AK5: variants seen among roughly 807,000 people sequenced by gnomAD.
AK5 encodes adenylate kinase 5.
Under a neutral mutation model 69.5 loss-of-function variants are expected in AK5, and 27 were observed. The ratio of observed to expected loss-of-function variants is 0.39; its 90% CI spans 0.29 to 0.54. The LOEUF is 0.54. AK5 is among the 20% of genes least tolerant of loss of function. The probability of loss-of-function intolerance (pLI) is 0.71; values close to 1 mark genes in which losing one functional copy is unlikely to be tolerated. For missense variants in AK5, 531 were observed against 700.4 expected, an observed-to-expected ratio of 0.76 and a Z score of 2.73; for synonymous variants, 260 against 244.4, an observed-to-expected ratio of 1.06 and a Z score of -0.60.
At chr1:77,310,843 A>G (rs61096452) in intron 5 of AK5, among the ~76,000 whole-genome samples, 16,926 of 152,016 alleles carry the variant, frequency 0.11, 1,056 homozygotes, top group Middle Eastern at 0.19. Context: ...ATCCATGAAC[A>G]TTGTCATGTC....
At chr1:77,350,853 G>C (rs556881023) in intron 6 of AK5, among the ~76,000 whole-genome samples, 17 of 152,334 alleles carry the variant, frequency 1.1e-4, no homozygotes, top group African/African-American at 3.6e-4. Context: ...GCATTATCAA[G>C]TGACATTAAA....
At chr1:77,477,151 C>T (rs914647845) in intron 8 of AK5, among the ~76,000 whole-genome samples, 5 of 152,050 alleles carry the variant, frequency 3.3e-5, no homozygotes, top group Admixed American at 3.3e-4. Context: ...CCTTAGCCTC[C>T]TGAGTAGCTG....
intron 8 of AK5, among the ~76,000 whole-genome samples, chr1:77,476,617 A>T (rs1654950139): frequency 6.6e-6 from 1 of 152,146 alleles, no homozygotes; most frequent in Non-Finnish European, 1.5e-5. Flanking sequence ...GTCATCCTGC[A>T]CTTATGTATC....
intron 6 of AK5, among the ~76,000 whole-genome samples, chr1:77,396,577 G>C (rs1648843396): frequency 6.6e-6 from 1 of 152,216 alleles, no homozygotes; most frequent in Admixed American, 6.5e-5. Flanking sequence ...CCTGGGAATA[G>C]TGAGTAAGGG....
chr1:77,379,160 T>C (rs1482121478), intron 6 of AK5, among the ~76,000 whole-genome samples: 1 of 152,178 alleles, frequency 6.6e-6, no homozygotes, highest in Non-Finnish European at 1.5e-5. Flanking sequence ...GAAGGAGCAC[T>C]GTGTGGCAGG....
chr1:77,306,031 G>C (rs1659618023), intron 5 of AK5, among the ~76,000 whole-genome samples: 1 of 151,922 alleles, frequency 6.6e-6, no homozygotes, highest in African/African-American at 2.4e-5. Context: ...GTGTTTTATA[G>C]TTTTCATTAC....
At chr1:77,464,341 C>T (rs1654015075) in intron 8 of AK5, among the ~76,000 whole-genome samples, 1 of 152,174 alleles carries the variant, frequency 6.6e-6, no homozygotes, top group South Asian at 2.1e-4. Context: ...CCCCGAGGCT[C>T]CACCCCAGTG....
At chr1:77,399,721 G>A (rs934591416) in intron 6 of AK5, among the ~76,000 whole-genome samples, 1 of 152,192 alleles carries the variant, frequency 6.6e-6, no homozygotes, top group African/African-American at 2.4e-5. Flanking sequence ...TTTGATTCCT[G>A]AGGGAGACCG....
intron 10 of AK5, among the ~76,000 whole-genome samples, chr1:77,500,835 T>C (rs1281748907): frequency 6.6e-6 from 1 of 151,516 alleles, no homozygotes; most frequent in Non-Finnish European, 1.5e-5. Context: ...TTATCCATCG[T>C]TGTGATAAGT....
intron 8 of AK5, among the ~76,000 whole-genome samples, chr1:77,462,360 G>C (rs1653896935): frequency 6.6e-6 from 1 of 152,038 alleles, no homozygotes; most frequent in African/African-American, 2.4e-5. Flanking sequence ...TGAATAGGCA[G>C]ATGAATGGAT....
At chr1:77,526,094 T>C (rs1288571463) in intron 12 of AK5, among the ~76,000 whole-genome samples, 1 of 152,222 alleles carries the variant, frequency 6.6e-6, no homozygotes, top group African/African-American at 2.4e-5. Flanking sequence ...TTGTTTATTC[T>C]AATCTTCTAG....
chr1:77,295,655 G>T (rs17100231), intron 3 of AK5, among the ~76,000 whole-genome samples: 7,638 of 137,222 alleles, frequency 0.056, 229 homozygotes, highest in South Asian at 0.1. Context: ...AGATTTGTAC[G>T]TGGACAGAAC....
intron 12 of AK5, among the ~76,000 whole-genome samples, chr1:77,534,595 A>G (rs1487803494): frequency 6.6e-6 from 1 of 152,226 alleles, no homozygotes; most frequent in Admixed American, 6.5e-5. Flanking sequence ...TCCTCATTGT[A>G]TGAATGAGAA....
intron 6 of AK5, among the ~76,000 whole-genome samples, chr1:77,367,891 G>A (rs867547117): frequency 0.028 from 208 of 7,456 alleles, 25 homozygotes; most frequent in East Asian, 0.12. Flanking sequence ...TAAAATATAT[G>A]TGATATATAT....
intron 1 of AK5, chr1:77,283,058 GC>G: frequency 1.0e-6 from 1 of 985,650 alleles, no homozygotes; most frequent in Non-Finnish European, 1.2e-6. Flanking sequence ...CGGGGAGGGA[GC>G]TGCGAGGGGG....
chr1:77,298,853 A>C (rs913972199), intron 5 of AK5, among the ~76,000 whole-genome samples: 1 of 152,146 alleles, frequency 6.6e-6, no homozygotes. Flanking sequence ...TTTTCTTTTA[A>C]TTACAGAAGT....
chr1:77,499,754 G>T (rs1656587472), intron 10 of AK5, among the ~76,000 whole-genome samples: 1 of 151,796 alleles, frequency 6.6e-6, no homozygotes, highest in Non-Finnish European at 1.5e-5. Context: ...GACTCCTAGA[G>T]AGACCCCTTG....
At chr1:77,366,943 A>G (rs985193530) in intron 6 of AK5, among the ~76,000 whole-genome samples, 4 of 151,682 alleles carry the variant, frequency 2.6e-5, no homozygotes, top group African/African-American at 9.7e-5. Context: ...GCCTTCACCC[A>G]TCATTGTTAA....
chr1:77,447,932 G>A lies in AK5; in HGVS notation c.1059+30217G>A, dbSNP rs150138978. ...GTGGGTGGTAGGAGAGAGATGTGAT[G>A]AGGTTGCCCTTTGTTCCTCATAGGT... On this transcript the variant is annotated intron_variant, in intron 8 of 13. Coordinates refer to ENST00000354567, the MANE Select transcript of AK5 (RefSeq NM_174858.3). 3.5e-3 allele frequency among the ~76,000 whole-genome samples: 534 copies of A among 152,354 alleles called. 1 individual carries two copies. Among genetic ancestry groups the A allele is most frequent in the Middle Eastern group, 0.014 (4 of 294 alleles).
Sources: allele counts gnomAD v4.1 joint callset (sites outside exome capture counted in the v4.1 genomes callset), GRCh38; gene constraint gnomAD v4.1.1; transcripts MANE v1.5; gene names NCBI Gene and HGNC (gene_info 2026-07-23, HGNC 2026-07-21).